FRMD1: variants seen among roughly 807,000 people sequenced by gnomAD.
FRMD1 encodes the protein FERM domain containing 1.
In FRMD1, 51 loss-of-function variants were observed where a neutral mutation model predicts 54.9. That is an observed-to-expected ratio of 0.93 (90% CI 0.74 to 1.17). The LOEUF (loss-of-function observed/expected upper bound fraction) is 1.17, where lower values mean the gene tolerates loss of function less well. Ranked by LOEUF, FRMD1 falls within the 50% of genes most tolerant of loss-of-function variation. The probability of loss-of-function intolerance (pLI) is 0.00; values close to 1 mark genes in which losing one functional copy is unlikely to be tolerated. For synonymous variants in FRMD1, 324 were observed against 306.4 expected, an observed-to-expected ratio of 1.06 and a Z score of -0.60; for missense variants, 729 against 743.0, an observed-to-expected ratio of 0.98 and a Z score of 0.22.
chr6:168,058,342 G>C (rs111795459), intron 10 of FRMD1, among the ~76,000 whole-genome samples: 174 of 20,104 alleles, frequency 8.7e-3, no homozygotes, highest in Middle Eastern at 0.038. Context: ...CTCTCTCCAT[G>C]CAGCCTCTCG....
At chr6:168,091,652 G>A (rs147002153) in intron 1 of FRMD1, among the ~76,000 whole-genome samples, 1 of 152,374 alleles carries the variant, frequency 6.6e-6, no homozygotes, top group Non-Finnish European at 1.5e-5. Flanking sequence ...TCTAGCAAGT[G>A]CTGGTGCTGC....
chr6:168,060,858 C>T lies in FRMD1; in HGVS notation c.1245G>A (p.Val415=), dbSNP rs1377258039. 1 of 1,613,652 alleles carries T rather than the reference C, an allele frequency of 6.2e-7. No homozygotes were observed. Among genetic ancestry groups the T allele is most frequent in the Non-Finnish European group, 8.5e-7 (1 of 1,180,044 alleles). ...SWLRESREMS[V]DVPLEVHGLH... ...GCCCGTGGACCTCCAAGGGCACGTC[C>T]ACAGACATCTCTCTGGATTCCCTGA... is the stretch of plus-strand genomic sequence containing the variant. Residue 415 remains valine (V), a synonymous_variant, in exon 9 of 11, where the codon GTG becomes GTA. Coordinates refer to ENST00000283309, the MANE Select transcript of FRMD1 (RefSeq NM_024919.6).
Position 168,079,201 on chromosome 6 carries a change from G to A in FRMD1, c.-107C>T. On this transcript the variant is annotated 5_prime_UTR_variant, in exon 1 of 11. Coordinates refer to ENST00000283309, the MANE Select transcript of FRMD1 (RefSeq NM_024919.6). The stretch of plus-strand genomic sequence containing the variant: ...ACCCGCCCTTGCCGAGCTTCTCACT[G>A]GGAAGGGAATTGAGAGGGAAGCCTG... The A allele has an allele frequency of 7.0e-7, 1 of 1,427,280 alleles. No individual in the cohort carries two copies. Among genetic ancestry groups the A allele is most frequent in the Non-Finnish European group, 9.2e-7 (1 of 1,091,306 alleles). The allele number at this position is 1,427,280 out of a possible 1,614,324, so 88.4% of individuals were successfully genotyped here.
At chr6:168,092,255 A>G (rs1801027494) in intron 1 of FRMD1, among the ~76,000 whole-genome samples, 1 of 152,060 alleles carries the variant, frequency 6.6e-6, no homozygotes, top group Non-Finnish European at 1.5e-5. Context: ...CCTCCACCCC[A>G]CAGTCCTTGT....
chr6:168,081,749 C>T (rs925348977), upstream of FRMD1: 10 of 434,852 alleles, frequency 2.3e-5, no homozygotes, highest in African/African-American at 4.0e-5. Context: ...TCCGAGACAT[C>T]CAGCAAAGGC....
At chr6:168,078,749 TACTCCCAAGGCCATCCAGGGCCCTGCTC>T in intron 1 of FRMD1, 105 bp downstream of exon 1, 3 of 956,658 alleles carry the variant, frequency 3.1e-6, no homozygotes, top group Admixed American at 4.1e-5. Flanking sequence ...TGGCTCTGTT[TACTCCCAAGGCCATCCAGGGCCCTGCTC>T]ACCCCCACGG....
Position 168,065,011 on chromosome 6 carries a change from C to T in FRMD1, c.508G>A (p.Val170Met), listed in dbSNP as rs199740559. 194 of 1,611,262 alleles carry T rather than the reference C, an allele frequency of 1.2e-4. 1 individual carries two copies. The highest frequency in any genetic ancestry group is 4.9e-4 in the Middle Eastern group (3 of 6,076). ...CGGTGAGCGCACTGTGACCTCAGCA[C>T]GCGCTCCTTCAAGTGGCAGTAGTAC... ...HLYYCHLKERVLRSQCAHREE... is the reference protein window; with the variant it reads ...HLYYCHLKERMLRSQCAHREE... Residue 170 changes from valine to methionine, a missense_variant, in exon 5 of 11, where the codon GTG becomes ATG. Physicochemically the swap from Val to Met is conservative, Grantham distance 21. Transcript: ENST00000283309.
At chr6:168,058,161 TC>T (rs1317980806) in intron 10 of FRMD1, among the ~76,000 whole-genome samples, 2 of 149,904 alleles carry the variant, frequency 1.3e-5, no homozygotes, top group Non-Finnish European at 3.0e-5. Flanking sequence ...TCTCTCTCCA[TC>T]CAGCCTCCGG....
intron 10 of FRMD1, chr6:168,057,580 G>T: frequency 1.8e-6 from 1 of 559,642 alleles, no homozygotes; most frequent in Non-Finnish European, 3.1e-6. Context: ...CTTTCCTGGG[G>T]CTGCTTTCTG....
At chr6:168,091,385 A>C (rs1873339) in intron 1 of FRMD1, among the ~76,000 whole-genome samples, 71,480 of 151,862 alleles carry the variant, frequency 0.47, 17,683 homozygotes, top group African/African-American at 0.62. Context: ...CACCTGTGTC[A>C]CTGCCCAGAG....
intron 1 of FRMD1, among the ~76,000 whole-genome samples, chr6:168,090,795 C>T (rs916288191): frequency 3.9e-5 from 6 of 152,364 alleles, no homozygotes; most frequent in Non-Finnish European, 5.9e-5. Flanking sequence ...CCAGGGCACA[C>T]GTCCACCATG....
At chr6:168,079,830 G>T (rs928582853), upstream of FRMD1, among the ~76,000 whole-genome samples, 1 of 152,204 alleles carries the variant, frequency 6.6e-6, no homozygotes, top group African/African-American at 2.4e-5. Flanking sequence ...CGAGGGGTGG[G>T]GACATCTCCC....
In FRMD1 at chr6:168,065,069, C is replaced by T; in HGVS notation, c.462-12G>A. ...GTGCCCTGTGGTCGCTGGAAGGTGG[C>T]AGGGAGTGAGTTCCAGGACGACCGG... On this transcript the variant is annotated splice_polypyrimidine_tract_variant and intron_variant, in intron 4 of 10. Coordinates refer to ENST00000283309, the MANE Select transcript of FRMD1 (RefSeq NM_024919.6). The T allele has an allele frequency of 1.3e-6, 2 of 1,593,782 alleles. No individual in the cohort carries two copies. The highest frequency in any genetic ancestry group is 1.7e-6 in the Non-Finnish European group (2 of 1,167,606).
At chr6:168,072,610 G>A (rs373368737) in intron 2 of FRMD1, among the ~76,000 whole-genome samples, 4 of 152,240 alleles carry the variant, frequency 2.6e-5, no homozygotes, top group South Asian at 4.1e-4. Context: ...GTGAACGTCC[G>A]GCGGTGATGA....
At position 168,079,010 on chromosome 6, in the gene FRMD1, C is replaced by T; in HGVS notation, c.85G>A (p.Glu29Lys). The T allele has an allele frequency of 3.1e-6, 5 of 1,612,350 alleles. No homozygotes were observed. Among genetic ancestry groups the T allele is most frequent in the Non-Finnish European group, 4.2e-6 (5 of 1,179,974 alleles). ...TFPPSGARCMEPSPERPACSQ... is the reference protein window; with the variant it reads ...TFPPSGARCMKPSPERPACSQ... ...CATGCAGGCCTCTCAGGACTGGGTTCCATACATCGCGCCCCTGAAGGAGGG... is the reference window on the plus strand; with the variant it reads ...CATGCAGGCCTCTCAGGACTGGGTTTCATACATCGCGCCCCTGAAGGAGGG... The change falls in exon 1 of 11, where the codon GAA becomes AAA. Residue 29 changes from glutamate (E) to lysine (K), a missense_variant. Transcript: ENST00000283309.
chr6:168,064,011 G>A (rs1047359649), intron 5 of FRMD1, among the ~76,000 whole-genome samples: 2 of 152,202 alleles, frequency 1.3e-5, no homozygotes, highest in South Asian at 2.1e-4. Flanking sequence ...CTCCTCAGAC[G>A]TCTGCAGGTG....
At position 168,053,164 on chromosome 6, in the gene FRMD1, G is replaced by GTGTGTTCACC. The variant is rs1554253132; in HGVS notation, c.*3932_*3933insGGTGAACACA. ...ATTAACCCGCGCCATTTTCCCCACT[G>GTGTGTTCACC]CGTGTTCACCTCTTCACGCGCCTTT... On this transcript the variant is annotated 3_prime_UTR_variant, in exon 11 of 11. Coordinates refer to ENST00000283309, the MANE Select transcript of FRMD1 (RefSeq NM_024919.6). 2.5e-4 allele frequency: 38 copies of GTGTGTTCACC among 151,808 alleles called. No individual in the cohort carries two copies. The highest frequency in any genetic ancestry group is 8.5e-4 in the African/African-American group (35 of 41,404). 9.4% of individuals were successfully genotyped at this position (151,808 alleles called of 1,614,324 possible).
intron 1 of FRMD1, among the ~76,000 whole-genome samples, chr6:168,089,732 C>T (rs192780005): frequency 1.3e-5 from 2 of 152,192 alleles, no homozygotes; most frequent in South Asian, 2.1e-4. Flanking sequence ...CGAAGGCGGA[C>T]GGGCACAGCA....
intron 1 of FRMD1, among the ~76,000 whole-genome samples, chr6:168,077,774 G>A (rs1800663309): frequency 6.6e-6 from 1 of 152,218 alleles, no homozygotes; most frequent in African/African-American, 2.4e-5. Flanking sequence ...AGCTCTTATG[G>A]GGTAGGGGGC....
Sources: gnomAD v4.1 joint callset for allele counts (sites outside exome capture counted in the v4.1 genomes callset) on GRCh38, gnomAD v4.1.1 for gene constraint, MANE v1.5 for transcripts, NCBI Gene and HGNC (gene_info 2026-07-23, HGNC 2026-07-21) for gene names.